Variants in KLF17 observed in about 807,000 individuals in gnomAD.
KLF17 encodes KLF transcription factor 17, also known as Krueppel-like factor 17.
KLF17 carries 31 observed loss-of-function variants against 34.2 expected under a neutral mutation model. The ratio of observed to expected loss-of-function variants is 0.91; its 90% confidence interval spans 0.68 to 1.22. KLF17 has a LOEUF of 1.22. Ranked by LOEUF, KLF17 falls within the 50% of genes most tolerant of loss-of-function variation. The pLI is 0.00. For missense variants in KLF17, 478 were observed against 505.2 expected, an observed-to-expected ratio of 0.95 and a Z score of 0.52; for synonymous variants, 179 against 186.7, an observed-to-expected ratio of 0.96 and a Z score of 0.34.
the KLF17 span, among the ~76,000 whole-genome samples, chr1:44,071,204 C>T: frequency 3.3e-5 from 5 of 152,182 alleles, no homozygotes; most frequent in Non-Finnish European, 7.3e-5. Context: ...TGGTTCCCTT[C>T]CACTTCTTAC....
At chr1:44,111,298 T>C in the KLF17 span, among the ~76,000 whole-genome samples, 2 of 152,114 alleles carry the variant, frequency 1.3e-5, no homozygotes, top group Non-Finnish European at 2.9e-5. Flanking sequence ...GCCCGGCCTG[T>C]GTTTTTCTTA....
chr1:44,129,245 G>T, intron 1 of KLF17, 108 bp from the exon 2 acceptor site: 1 of 1,320,980 alleles, frequency 7.6e-7, no homozygotes. Flanking sequence ...GATAATTCAA[G>T]CAAGAGATGG....
the KLF17 span, chr1:44,103,679 G>T: frequency 6.2e-7 from 1 of 1,609,026 alleles, no homozygotes; most frequent in South Asian, 1.1e-5. Flanking sequence ...GCCGCGCCAT[G>T]TCCTGCTTGG....
intron 1 of KLF17, among the ~76,000 whole-genome samples, chr1:44,128,622 C>G (rs962416238): frequency 6.6e-6 from 1 of 152,164 alleles, no homozygotes; most frequent in Non-Finnish European, 1.5e-5. Flanking sequence ...TTGCCAAAGC[C>G]GAGACCCATC....
At chr1:44,049,296 A>G in the KLF17 span, among the ~76,000 whole-genome samples, 475 of 152,160 alleles carry the variant, frequency 3.1e-3, 2 homozygotes, top group African/African-American at 0.011. Context: ...GGGATTAGGG[A>G]CTCAGTGCAT....
the KLF17 span, among the ~76,000 whole-genome samples, chr1:44,077,335 ACT>A: frequency 1.3e-5 from 2 of 152,022 alleles, no homozygotes; most frequent in South Asian, 2.1e-4. Context: ...ACAGAGCAAG[ACT>A]CTGTCTCAAA....
chr1:44,109,660 A>G, the KLF17 span, among the ~76,000 whole-genome samples: 11 of 152,262 alleles, frequency 7.2e-5, no homozygotes, highest in Non-Finnish European at 8.8e-5. Flanking sequence ...TACCGAACAC[A>G]CAGACGTACT....
the KLF17 span, among the ~76,000 whole-genome samples, chr1:44,053,343 C>CT: frequency 3.3e-5 from 5 of 152,176 alleles, no homozygotes; most frequent in African/African-American, 9.7e-5. Flanking sequence ...ACATGTCTGG[C>CT]TTATGATACT....
the KLF17 span, among the ~76,000 whole-genome samples, chr1:44,090,390 A>G: frequency 6.6e-6 from 1 of 151,936 alleles, no homozygotes; most frequent in Non-Finnish European, 1.5e-5. Context: ...AATAACAAAA[A>G]CTAAATTCTC....
At position 44,123,095 on chromosome 1, in the gene KLF17, C is replaced by T. The variant is rs140504865; in HGVS notation, c.81+4107C>T. On this transcript the variant is annotated intron_variant, in intron 1 of 3. Coordinates refer to ENST00000372299, the MANE Select transcript of KLF17 (RefSeq NM_173484.4). ...TAGGATAAGAGCTGAGCTTTTGTCACGTGAGGCTGCAGTGAGCCATGATCA... is the reference window on the plus strand; with the variant it reads ...TAGGATAAGAGCTGAGCTTTTGTCATGTGAGGCTGCAGTGAGCCATGATCA... 8.1e-4 allele frequency among the ~76,000 whole-genome samples: 123 copies of T among 152,242 alleles called. 1 individual carries two copies. The highest frequency in any genetic ancestry group is 1.2e-3 in the Admixed American group (18 of 15,282).
At chr1:44,078,842 C>A in the KLF17 span, among the ~76,000 whole-genome samples, 1 of 152,148 alleles carries the variant, frequency 6.6e-6, no homozygotes, top group South Asian at 2.1e-4. Flanking sequence ...CCCCAGTGGA[C>A]CGTTTCCTTC....
chr1:44,046,129 GATAATAATAATA>G, the KLF17 span: 25 of 141,772 alleles, frequency 1.8e-4, no homozygotes, highest in African/African-American at 2.6e-4. Context: ...TTTGGTAAAG[GATAATAATAATA>G]ATAATAATAA....
chr1:44,103,874 C>A, the KLF17 span: 12 of 786,384 alleles, frequency 1.5e-5, no homozygotes, highest in Non-Finnish European at 2.5e-5. Flanking sequence ...TCTTTGTATG[C>A]TGCACGTCAT....
the KLF17 span, among the ~76,000 whole-genome samples, chr1:44,091,911 C>T: frequency 3.3e-3 from 387 of 115,800 alleles, 1 homozygote; most frequent in Non-Finnish European, 5.0e-3. Context: ...AAAACTCTGT[C>T]TCAAAAAAAA....
At chr1:44,091,482 C>T in the KLF17 span, among the ~76,000 whole-genome samples, 3 of 151,564 alleles carry the variant, frequency 2.0e-5, no homozygotes, top group African/African-American at 7.3e-5. Flanking sequence ...CTGGTGAGAC[C>T]CTGTTTCTAC....
At chr1:44,099,865 GAAAGAAAGAAAGAAA>G in the KLF17 span, among the ~76,000 whole-genome samples, 4 of 49,400 alleles carry the variant, frequency 8.1e-5, no homozygotes, top group African/African-American at 2.6e-4. Context: ...AAGAAAGAAA[GAAAGAAAGAAAGAAA>G]GAAAGAAAGA....
At chr1:44,100,303 A>G in the KLF17 span, among the ~76,000 whole-genome samples, 1 of 151,210 alleles carries the variant, frequency 6.6e-6, no homozygotes, top group Non-Finnish European at 1.5e-5. Flanking sequence ...GACACTGGTG[A>G]CCCATACTGG....
At chr1:44,101,388 T>C in the KLF17 span, among the ~76,000 whole-genome samples, 2 of 152,200 alleles carry the variant, frequency 1.3e-5, no homozygotes, top group East Asian at 3.9e-4. Flanking sequence ...TTACCTTCAG[T>C]TGTTATGTGT....
the KLF17 span, among the ~76,000 whole-genome samples, chr1:44,048,637 T>C: frequency 9.9e-5 from 15 of 152,230 alleles, no homozygotes; most frequent in African/African-American, 4.8e-5. Context: ...AAAATATTCT[T>C]TATGTTTGGA....
Sources: gnomAD v4.1 joint callset for allele counts (sites outside exome capture counted in the v4.1 genomes callset) on GRCh38, gnomAD v4.1.1 for gene constraint, MANE v1.5 for transcripts, NCBI Gene and HGNC (gene_info 2026-07-23, HGNC 2026-07-21) for gene names.